SIK3: variants seen among roughly 807,000 people sequenced by gnomAD.
The protein encoded by SIK3 is serine/threonine-protein kinase SIK3.
A neutral mutation model predicts 144.2 loss-of-function variants in SIK3; 28 were observed. The ratio of observed to expected loss-of-function variants is 0.19; its 90% confidence interval spans 0.14 to 0.27. The LOEUF is 0.27. SIK3 is among the 10% of genes least tolerant of loss of function. The probability of loss-of-function intolerance (pLI) is 1.00; values close to 1 mark genes in which losing one functional copy is unlikely to be tolerated. For synonymous variants in SIK3, 686 were observed against 676.3 expected, an observed-to-expected ratio of 1.01 and a Z score of -0.22; for missense variants, 1,319 against 1,776.0, an observed-to-expected ratio of 0.74 and a Z score of 4.62.
intron 4 of SIK3, among the ~76,000 whole-genome samples, chr11:116,917,751 GGAAA>G (rs1159566512): frequency 1.4e-5 from 2 of 146,634 alleles, no homozygotes; most frequent in Non-Finnish European, 3.0e-5. Context: ...GAGAGAGAGA[GGAAA>G]GAGAGCGAGA....
chr11:116,874,125 CTGATGGCAT>C, intron 11 of SIK3, 69 bp from the exon 12 acceptor site: 1 of 1,459,964 alleles, frequency 6.8e-7, no homozygotes, highest in South Asian at 1.2e-5. Flanking sequence ...TATCCCAAAA[CTGATGGCAT>C]TGCTATGTTC....
At chr11:117,078,521 TCTC>T (rs1165640482) in intron 1 of SIK3, among the ~76,000 whole-genome samples, 1 of 149,912 alleles carries the variant, frequency 6.7e-6, no homozygotes, top group African/African-American at 2.5e-5. Flanking sequence ...GTTAAGCAAG[TCTC>T]CTGCCTCAGC....
rs373295296 is a variant in SIK3 at position 116,849,295 on chromosome 11, C to T, written c.3656-12G>A. The T allele has an allele frequency of 1.5e-5, 24 of 1,613,910 alleles. No individual in the cohort carries two copies. The highest frequency in any genetic ancestry group is 2.7e-5 in the African/African-American group (2 of 74,920). On this transcript the variant is annotated splice_polypyrimidine_tract_variant and intron_variant, in intron 21 of 24. Transcript: ENST00000445177. The surrounding 1 kb of genome is among the most constrained non-coding windows in gnomAD (Gnocchi z 4.2). ...CCCTATGACAGGCTCTGAGGAGACA[C>T]AGCAGAATAGAGTCAGTGGGGCGGA...
rs1221767250 is a variant in SIK3 at position 116,858,497 on chromosome 11, A to G, written c.2968T>C (p.Tyr990His). The G allele has an allele frequency of 6.2e-7, 1 of 1,610,568 alleles. No homozygotes were observed. The highest frequency in any genetic ancestry group is 1.7e-4 in the Middle Eastern group (1 of 6,044). The change falls in exon 21 of 25, where the codon TAT becomes CAT. Residue 990 changes from tyrosine (Y) to histidine (H), a missense_variant. Physicochemically the swap from Tyr to His is moderately conservative, Grantham distance 83. Transcript: ENST00000445177. This position sits in a 1 kb window ranked among gnomAD's most constrained non-coding sequence, Gnocchi z 5.4. ...GCCTGCTGTAGTGCCGACGTGGTAT[A>G]GTGTGGCGGCTGCTGATGTGCACTG... The part of the protein sequence containing the change: ...PPSAHQQPPH[Y>H]TTSALQQALL...
intron 6 of SIK3, among the ~76,000 whole-genome samples, chr11:116,889,996 AC>A (rs1945020192): frequency 6.6e-6 from 1 of 152,210 alleles, no homozygotes; most frequent in South Asian, 2.1e-4. Context: ...GGATAAGACT[AC>A]TCTCCAGAGG....
At chr11:116,986,984 T>C (rs1344569501) in intron 1 of SIK3, among the ~76,000 whole-genome samples, 1 of 152,160 alleles carries the variant, frequency 6.6e-6, no homozygotes, top group East Asian at 1.9e-4. Context: ...TGAGGAGTTG[T>C]TACTTAATGG....
At chr11:117,016,556 G>A (rs1350834115) in intron 1 of SIK3, among the ~76,000 whole-genome samples, 1 of 152,152 alleles carries the variant, frequency 6.6e-6, no homozygotes, top group Non-Finnish European at 1.5e-5. Context: ...GTTCATGACT[G>A]TAATCCCAGC....
chr11:116,959,318 A>C (rs1949257034), intron 1 of SIK3, among the ~76,000 whole-genome samples: 1 of 152,308 alleles, frequency 6.6e-6, no homozygotes, highest in Admixed American at 6.5e-5. Flanking sequence ...CCCTGTCTCA[A>C]AAGAAAAAAA....
At chr11:117,033,390 C>G (rs1027275216) in intron 1 of SIK3, among the ~76,000 whole-genome samples, 16 of 152,108 alleles carry the variant, frequency 1.1e-4, no homozygotes, top group African/African-American at 3.9e-4. Context: ...TTATTACCCT[C>G]AATGAACTAC....
chr11:116,927,504 A>T, intron 3 of SIK3, 124 bp from the exon 4 acceptor site: 1 of 776,816 alleles, frequency 1.3e-6, no homozygotes, highest in East Asian at 2.5e-5. Context: ...GAGCAATGAG[A>T]GAACAACACA....
rs1955581904 is a variant in SIK3, at chr11:117,098,385, C to G, written c.31G>C (p.Gly11Arg). 8.5e-7 allele frequency: 1 copy of G among 1,170,726 alleles called. No homozygotes were observed. The highest frequency in any genetic ancestry group is 1.1e-6 in the Non-Finnish European group (1 of 949,682). The allele number at this position is 1,170,726 out of a possible 1,614,324, so 72.5% of individuals were successfully genotyped here. Residue 11 changes from glycine (G) to arginine (R), a missense_variant, in exon 1 of 25, where the codon GGG (glycine) becomes CGG (arginine). Physicochemically the swap from Gly to Arg is moderately radical, Grantham distance 125. Around this residue, in one of 8 missense-constraint regions of SIK3, gnomAD observed 114 missense variants for 116.2 expected, o/e 0.98. Transcript: ENST00000445177. MAAAAASGAG[G>R]AAGAGTGGAG... ...CCCCCAGTCCCGGCCCCGGCAGCCC[C>G]GCCAGCTCCGCTCGCCGCCGCCGCC...
chr11:116,847,437 G>C (rs1389589147), intron 23 of SIK3, 39 bp downstream of exon 23: 10 of 1,612,800 alleles, frequency 6.2e-6, no homozygotes, highest in Non-Finnish European at 8.5e-6. Context: ...GGCCCCTCCA[G>C]GAACTTCTCT....
At chr11:116,873,669 G>A (rs776765128) in intron 12 of SIK3, 33 bp from the exon 13 acceptor site, 1 of 1,523,514 alleles carries the variant, frequency 6.6e-7, no homozygotes, top group Non-Finnish European at 8.8e-7. Flanking sequence ...GACGGACCAT[G>A]AGATGAGGGG....
chr11:117,013,967 C>CCTT (rs756680301), intron 1 of SIK3, among the ~76,000 whole-genome samples: 188 of 7,360 alleles, frequency 0.026, 28 homozygotes, highest in African/African-American at 0.048. Context: ...TTCTTTTTTT[C>CCTT]TTTTCTTTTT....
chr11:117,053,864 C>A (rs1320281260), intron 1 of SIK3, among the ~76,000 whole-genome samples: 1 of 152,132 alleles, frequency 6.6e-6, no homozygotes, highest in Non-Finnish European at 1.5e-5. Flanking sequence ...CCAGGCTGGT[C>A]TCGAACTCCT....
chr11:116,883,048 G>C (rs1181301012), intron 6 of SIK3, among the ~76,000 whole-genome samples: 1 of 152,208 alleles, frequency 6.6e-6, no homozygotes, highest in Admixed American at 6.5e-5. Flanking sequence ...TACACTGCTT[G>C]ATGCTGTTAT....
intron 16 of SIK3, among the ~76,000 whole-genome samples, chr11:116,863,129 C>A (rs1329800933): frequency 6.6e-6 from 1 of 151,908 alleles, no homozygotes; most frequent in Non-Finnish European, 1.5e-5. Flanking sequence ...AAACCCAAGC[C>A]CAGAAATTCC....
intron 3 of SIK3, among the ~76,000 whole-genome samples, chr11:116,932,651 C>T (rs2135182465): frequency 6.6e-6 from 1 of 152,308 alleles, no homozygotes; most frequent in Non-Finnish European, 1.5e-5. Flanking sequence ...ACTACCCCTA[C>T]ACAGTCATGC....
rs1364978562 is a variant in SIK3, at chr11:116,861,824, C to A, written c.2315+17G>T. 3.2e-6 allele frequency: 5 copies of A among 1,580,166 alleles called. No homozygotes were observed. In the South Asian group the frequency reaches 3.4e-5, roughly 11 times the overall value. The stretch of plus-strand genomic sequence containing the variant: ...TATCGAGACAATGGCTTAGGCACAA[C>A]ACAAAATGACTCATACCTCTGGAGC... On this transcript the variant is annotated intron_variant, in intron 18 of 24. Coordinates refer to ENST00000445177, the MANE Select transcript of SIK3 (RefSeq NM_001366686.3).
Sources: gnomAD v4.1 joint callset for allele counts (sites outside exome capture counted in the v4.1 genomes callset) on GRCh38, gnomAD v4.1.1 for gene constraint, gnomAD v4.1.1 regional missense constraint, Gnocchi (gnomAD v3.1) non-coding constraint, MANE v1.5 for transcripts, NCBI Gene and HGNC (gene_info 2026-07-23, HGNC 2026-07-21) for gene names.